Variants in GPR158 observed in about 807,000 individuals in gnomAD.
GPR158 encodes the protein G protein-coupled receptor 158.
In GPR158, 30 loss-of-function variants were observed where a neutral mutation model predicts 78.2. The ratio of observed to expected loss-of-function variants is 0.38; its 90% CI spans 0.29 to 0.52. GPR158 has a LOEUF of 0.52. GPR158 is among the 20% of genes least tolerant of loss of function. The probability of loss-of-function intolerance (pLI) is 0.83; values close to 1 mark genes in which losing one functional copy is unlikely to be tolerated. For synonymous variants in GPR158, 581 were observed against 591.1 expected (o/e 0.98, Z 0.25); for missense variants, 1,463 against 1,523.5 (o/e 0.96, Z 0.66).
At chr10:25,416,327 G>T (rs565240917) in intron 4 of GPR158, among the ~76,000 whole-genome samples, 17 of 152,242 alleles carry the variant, frequency 1.1e-4, no homozygotes, top group African/African-American at 3.6e-4. Context: ...ACATGCAATC[G>T]CAGATATTTC....
In GPR158 at chr10:25,176,255, C is replaced by G; in HGVS notation, c.835C>G (p.Pro279Ala). Residue 279 changes from proline (P) to alanine (A), a missense_variant, in exon 1 of 11, where the codon CCC becomes GCC. Transcript: ENST00000376351. This position sits in a 1 kb window ranked among gnomAD's most constrained non-coding sequence, Gnocchi z 6.3. The part of the protein sequence containing the change: ...YLECENGSYK[P>A]GWLVTLSSAI... Reference sequence around the variant, plus strand: ...GGAGTGCGAGAACGGGAGTTACAAGCCCGGGTGGCTGGTTACTCTTTCCTC... The same window carrying G: ...GGAGTGCGAGAACGGGAGTTACAAGGCCGGGTGGCTGGTTACTCTTTCCTC... The G allele has an allele frequency of 6.2e-7, 1 of 1,609,600 alleles. No individual in the cohort carries two copies. Among genetic ancestry groups the G allele is most frequent in the Non-Finnish European group, 8.5e-7 (1 of 1,178,692 alleles).
At chr10:25,503,226 A>T (rs2130660248) in intron 5 of GPR158, among the ~76,000 whole-genome samples, 1 of 151,824 alleles carries the variant, frequency 6.6e-6, no homozygotes, top group East Asian at 1.9e-4. Flanking sequence ...AAAAAATTAT[A>T]ATCAACCGGA....
intron 4 of GPR158, among the ~76,000 whole-genome samples, chr10:25,442,030 G>A (rs1489652332): frequency 6.6e-6 from 1 of 152,140 alleles, no homozygotes; most frequent in Non-Finnish European, 1.5e-5. Context: ...CCATGAAGGA[G>A]CTAGAAGGAC....
rs1359127049 is a variant in GPR158, at chr10:25,479,536, T to C, written c.1404+12817T>C. On this transcript the variant is annotated intron_variant, in intron 5 of 10. Coordinates refer to ENST00000376351, the MANE Select transcript of GPR158 (RefSeq NM_020752.3). The stretch of plus-strand genomic sequence containing the variant: ...TTCCAACAATTCTCCTGCCTCAGCC[T>C]CCCAAGTAGCTGGGATTACAGGCAC... 2.0e-5 allele frequency among the ~76,000 whole-genome samples: 3 copies of C among 152,140 alleles called. No homozygotes were observed. The East Asian group carries it at 5.8e-4, about 30-fold the overall frequency.
chr10:25,236,775 A>G (rs1283562792), intron 2 of GPR158, among the ~76,000 whole-genome samples: 1 of 152,072 alleles, frequency 6.6e-6, no homozygotes, highest in Non-Finnish European at 1.5e-5. Context: ...ACTGTAGTAC[A>G]TTGTACATGT....
At chr10:25,528,323 C>CTA (rs931049424) in intron 5 of GPR158, among the ~76,000 whole-genome samples, 9 of 151,282 alleles carry the variant, frequency 5.9e-5, no homozygotes, top group African/African-American at 1.2e-4. Flanking sequence ...AAAATTGGAT[C>CTA]TATATATATA....
intron 2 of GPR158, among the ~76,000 whole-genome samples, chr10:25,360,066 A>G (rs892487842): frequency 2.6e-5 from 4 of 152,150 alleles, no homozygotes; most frequent in African/African-American, 9.7e-5. Context: ...TTCTTTTAAG[A>G]AGTGTCTGTT....
chr10:25,287,801 C>T (rs1161799476), intron 2 of GPR158, among the ~76,000 whole-genome samples: 1 of 152,008 alleles, frequency 6.6e-6, no homozygotes, highest in East Asian at 1.9e-4. Context: ...TATTGTCTGC[C>T]ATTTTATTGG....
intron 2 of GPR158, among the ~76,000 whole-genome samples, chr10:25,354,042 A>G (rs1855512757): frequency 6.6e-6 from 1 of 152,052 alleles, no homozygotes; most frequent in Non-Finnish European, 1.5e-5. Context: ...GCTTACAAAA[A>G]TCATCTTATA....
intron 2 of GPR158, among the ~76,000 whole-genome samples, chr10:25,307,954 T>A (rs1398461488): frequency 6.6e-6 from 1 of 152,164 alleles, no homozygotes; most frequent in Non-Finnish European, 1.5e-5. Context: ...TTTTCTTACA[T>A]ATTGTCAGAT....
At chr10:25,200,866 TTG>T (rs1491580360) in intron 1 of GPR158, among the ~76,000 whole-genome samples, 2 of 132,282 alleles carry the variant, frequency 1.5e-5, no homozygotes, top group African/African-American at 3.2e-5. Context: ...GTTTTTTGTT[TTG>T]TTTTTTTTTT....
intron 5 of GPR158, among the ~76,000 whole-genome samples, chr10:25,469,153 G>A (rs569378923): frequency 3.9e-5 from 6 of 152,230 alleles, no homozygotes; most frequent in African/African-American, 1.4e-4. Context: ...TCAGGACTGA[G>A]TTCTTGTAGC....
At chr10:25,304,500 G>A (rs1038631067) in intron 2 of GPR158, among the ~76,000 whole-genome samples, 2 of 151,936 alleles carry the variant, frequency 1.3e-5, no homozygotes, top group Non-Finnish European at 2.9e-5. Context: ...CTCAGTGCCT[G>A]TTTTCTTATT....
chr10:25,447,575 A>T (rs1263395500), intron 4 of GPR158, among the ~76,000 whole-genome samples: 1 of 152,206 alleles, frequency 6.6e-6, no homozygotes, highest in Non-Finnish European at 1.5e-5. Context: ...AAGCATGAAA[A>T]TGTCATTGGC....
At chr10:25,580,012 C>G (rs1464364095) in intron 7 of GPR158, among the ~76,000 whole-genome samples, 1 of 152,198 alleles carries the variant, frequency 6.6e-6, no homozygotes, top group Non-Finnish European at 1.5e-5. Flanking sequence ...CCCTCCACCT[C>G]TCTTCATGGT....
intron 2 of GPR158, among the ~76,000 whole-genome samples, chr10:25,280,738 T>TGTATGTATGTAC (rs1854256987): frequency 6.8e-6 from 1 of 147,018 alleles, no homozygotes. Flanking sequence ...TATGTATGTA[T>TGTATGTATGTAC]GTACGTACGT....
intron 2 of GPR158, among the ~76,000 whole-genome samples, chr10:25,266,025 T>G (rs1854041124): frequency 1.3e-5 from 2 of 152,286 alleles, no homozygotes; most frequent in South Asian, 4.1e-4. Context: ...TGCTTCAGTC[T>G]TACTGGATTT....
chr10:25,314,860 G>A (rs60016422), intron 2 of GPR158, among the ~76,000 whole-genome samples: 5,895 of 76,176 alleles, frequency 0.077, 209 homozygotes, highest in African/African-American at 0.18. Flanking sequence ...TACACACACT[G>A]TCATATATAT....
chr10:25,373,284 T>C (rs939434671), intron 2 of GPR158, among the ~76,000 whole-genome samples: 5 of 151,806 alleles, frequency 3.3e-5, no homozygotes, highest in Middle Eastern at 3.4e-3. Flanking sequence ...TGGGGCCCAC[T>C]GGAAGGTGGA....
Sources: allele counts gnomAD v4.1 joint callset (sites outside exome capture counted in the v4.1 genomes callset), GRCh38; gene constraint gnomAD v4.1.1; non-coding constraint Gnocchi (gnomAD v3.1); transcripts MANE v1.5; gene names NCBI Gene and HGNC (gene_info 2026-07-23, HGNC 2026-07-21).